The following RAD51 variants were observed in gnomAD, a reference collection of about 807,000 sequenced individuals.
The protein encoded by RAD51 is RAD51 recombinase.
RAD51 carries 14 observed loss-of-function variants against 41.5 expected under a neutral mutation model. The observed-to-expected ratio is 0.34, with a 90% CI of 0.22 to 0.53. The LOEUF (loss-of-function observed/expected upper bound fraction) is 0.53. RAD51 is among the 20% of genes least tolerant of loss of function. The pLI is 0.95. For synonymous variants in RAD51, 136 were observed against 148.6 expected (o/e 0.92, Z 0.62); for missense variants, 234 against 422.0 (o/e 0.55, Z 3.90).
chr15:40,698,065 C>T (rs960700052), intron 1 of RAD51, among the ~76,000 whole-genome samples: 12 of 152,152 alleles, frequency 7.9e-5, no homozygotes, highest in African/African-American at 2.9e-4. Flanking sequence ...TTCCTCCTAT[C>T]TAACTGAAAC....
At position 40,713,994 on chromosome 15, in the gene RAD51, C is replaced by CTTTT. The variant is rs749995356; in HGVS notation, c.436-4796_436-4793dup. Among the ~76,000 whole-genome samples, 312 of 114,910 alleles carry CTTTT rather than the reference C, an allele frequency of 2.7e-3. 12 individuals carry two copies. The highest frequency in any genetic ancestry group is 6.4e-3 in the African/African-American group (195 of 30,386). The allele number at this position is 114,910 out of a possible 152,430, so 75.4% of individuals were successfully genotyped here. A position where few individuals can be genotyped will look rare whatever the true frequency, so the allele number is the denominator to read the frequency against. On this transcript the variant is annotated intron_variant, in intron 5 of 9. Transcript: ENST00000267868. ...TGTTAACTCTCCTCAGAAATAAATT[C>CTTTT]TTTTTTTTTTTTTTTTTTGAGATTG...
chr15:40,729,646 G>C lies in RAD51; in HGVS notation c.774+12G>C. 4.3e-6 allele frequency: 7 copies of C among 1,613,456 alleles called. No homozygotes were observed. Among genetic ancestry groups the C allele is most frequent in the Non-Finnish European group, 5.9e-6 (7 of 1,179,952 alleles). On this transcript the variant is annotated intron_variant, in intron 8 of 9. Transcript: ENST00000267868. Reference sequence around the variant, plus strand: ...GACTCGCTGATGAGGTAAGTTGTGGGATAGGGACAGAGAATGCCTACTTTC... The same window carrying C: ...GACTCGCTGATGAGGTAAGTTGTGGCATAGGGACAGAGAATGCCTACTTTC...
intron 1 of RAD51, among the ~76,000 whole-genome samples, chr15:40,696,283 A>C (rs1894628456): frequency 6.6e-6 from 1 of 152,214 alleles, no homozygotes; most frequent in African/African-American, 2.4e-5. Flanking sequence ...GAATTATTAC[A>C]AAATATACTG....
At position 40,731,396 on chromosome 15, in the gene RAD51, ATC is replaced by A. The variant is rs1896869992; in HGVS notation, c.*222_*223del. 1.7e-6 allele frequency: 1 copy of A among 572,086 alleles called. No individual in the cohort carries two copies. Among genetic ancestry groups the A allele is most frequent in the Non-Finnish European group, 3.0e-6 (1 of 329,680 alleles). 35.4% of individuals were successfully genotyped at this position (572,086 alleles called of 1,614,324 possible). On this transcript the variant is annotated 3_prime_UTR_variant, in exon 10 of 10. Coordinates refer to ENST00000267868, the MANE Select transcript of RAD51 (RefSeq NM_002875.5). Reference sequence around the variant, plus strand: ...TGTTTATTCCTTCTGTAGTGTATTAATCTCTGTGTGTTTTCTTTGGTTTTGGA... The same window carrying A: ...TGTTTATTCCTTCTGTAGTGTATTAATCTGTGTGTTTTCTTTGGTTTTGGA...
chr15:40,699,834 A>G (rs778047473), intron 2 of RAD51, among the ~76,000 whole-genome samples: 5 of 152,214 alleles, frequency 3.3e-5, no homozygotes, highest in African/African-American at 4.8e-5. Context: ...TGCCCATTGT[A>G]TAGAGACTGC....
intron 5 of RAD51, 150 bp from the exon 6 acceptor site, chr15:40,718,655 A>G (rs997675607): frequency 5.7e-5 from 40 of 698,616 alleles, no homozygotes; most frequent in African/African-American, 5.5e-4. Flanking sequence ...TTCTATTAAT[A>G]TCAGAAGGGA....
chr15:40,726,846 G>C (rs1280548998), intron 6 of RAD51, among the ~76,000 whole-genome samples: 1 of 149,212 alleles, frequency 6.7e-6, no homozygotes, highest in Non-Finnish European at 1.5e-5. Flanking sequence ...CTGGGAGGCG[G>C]AACTTGCAAT....
chr15:40,710,193 G>A (rs1411297669), intron 5 of RAD51, among the ~76,000 whole-genome samples: 1 of 133,902 alleles, frequency 7.5e-6, no homozygotes, highest in African/African-American at 2.8e-5. Flanking sequence ...AGTGAGCCGA[G>A]ATTGCGCCAC....
At chr15:40,706,581 G>C (rs1895355866) in intron 4 of RAD51, among the ~76,000 whole-genome samples, 1 of 152,108 alleles carries the variant, frequency 6.6e-6, no homozygotes, top group Non-Finnish European at 1.5e-5. Context: ...CCCTGTAGGT[G>C]CACATGCCTA....
At chr15:40,705,849 G>A (rs997774619) in intron 3 of RAD51, among the ~76,000 whole-genome samples, 25 of 152,208 alleles carry the variant, frequency 1.6e-4, no homozygotes, top group Middle Eastern at 3.4e-3. Context: ...GTTGTGATCC[G>A]CCTGCCTTGG....
chr15:40,727,109 T>TTTTTAA (rs1287897803), intron 6 of RAD51, among the ~76,000 whole-genome samples: 1 of 151,474 alleles, frequency 6.6e-6, no homozygotes, highest in African/African-American at 2.4e-5. Flanking sequence ...TCTCCCTTTC[T>TTTTTAA]TTTTTAATTT....
intron 5 of RAD51, among the ~76,000 whole-genome samples, chr15:40,716,419 T>A (rs1472607865): frequency 6.6e-6 from 1 of 151,766 alleles, no homozygotes; most frequent in Non-Finnish European, 1.5e-5. Flanking sequence ...CAAACTGGAG[T>A]GCAGTGGCAT....
In RAD51 at chr15:40,728,828, T is replaced by C; in HGVS notation, c.644+4T>C. Reference sequence around the variant, plus strand: ...CAGCCATGATGGTAGAATCTAGGTATGTGTTCAGTATAAGACACCAAATAT... The same window carrying C: ...CAGCCATGATGGTAGAATCTAGGTACGTGTTCAGTATAAGACACCAAATAT... On this transcript the variant is annotated splice_donor_region_variant and intron_variant, in intron 7 of 9. Coordinates refer to ENST00000267868, the MANE Select transcript of RAD51 (RefSeq NM_002875.5). 6.2e-7 allele frequency: 1 copy of C among 1,604,984 alleles called. No homozygotes were observed. Among genetic ancestry groups the C allele is most frequent in the Non-Finnish European group, 8.5e-7 (1 of 1,171,640 alleles).
chr15:40,711,987 G>T (rs997171885), intron 5 of RAD51, among the ~76,000 whole-genome samples: 1 of 151,272 alleles, frequency 6.6e-6, no homozygotes, highest in Non-Finnish European at 1.5e-5. Context: ...CGGGAGAATC[G>T]CTTGAGCCCA....
At chr15:40,725,406 A>G (rs1342693834) in intron 6 of RAD51, among the ~76,000 whole-genome samples, 2 of 152,208 alleles carry the variant, frequency 1.3e-5, no homozygotes, top group Non-Finnish European at 2.9e-5. Flanking sequence ...AAAAAATTTT[A>G]TAATTGAATT....
chr15:40,711,584 T>C (rs1010192984), intron 5 of RAD51, among the ~76,000 whole-genome samples: 15 of 152,166 alleles, frequency 9.9e-5, no homozygotes, highest in Non-Finnish European at 2.9e-5. Flanking sequence ...TGGAATACTT[T>C]ATGGAGAAAA....
intron 5 of RAD51, among the ~76,000 whole-genome samples, chr15:40,711,988 C>T (rs1895727527): frequency 6.6e-6 from 1 of 151,104 alleles, no homozygotes; most frequent in Non-Finnish European, 1.5e-5. Flanking sequence ...GGGAGAATCG[C>T]TTGAGCCCAG....
intron 5 of RAD51, among the ~76,000 whole-genome samples, chr15:40,714,454 A>T (rs1256055334): frequency 1.3e-5 from 2 of 152,238 alleles, no homozygotes; most frequent in African/African-American, 4.8e-5. Flanking sequence ...TCAGCATAGC[A>T]TGCTGACACT....
chr15:40,712,740 G>A (rs1895766127), intron 5 of RAD51, among the ~76,000 whole-genome samples: 1 of 152,048 alleles, frequency 6.6e-6, no homozygotes, highest in African/African-American at 2.4e-5. Context: ...ACCCACTTCT[G>A]CCATGGGCAC....
Sources: allele counts gnomAD v4.1 joint callset (sites outside exome capture counted in the v4.1 genomes callset), GRCh38; gene constraint gnomAD v4.1.1; transcripts MANE v1.5; gene names NCBI Gene and HGNC (gene_info 2026-07-23, HGNC 2026-07-21).